Variants in KCNMA1 observed in about 807,000 individuals in gnomAD.
The protein encoded by KCNMA1 is Calcium-activated potassium channel subunit alpha-1.
A neutral mutation model predicts 140.0 loss-of-function variants in KCNMA1; 29 were observed. The observed-to-expected ratio is 0.21, with a 90% CI of 0.15 to 0.28. The LOEUF (loss-of-function observed/expected upper bound fraction) is 0.28, where lower values mean the gene tolerates loss of function less well. Ranked by LOEUF, KCNMA1 falls within the 10% of genes least tolerant of loss-of-function variation. KCNMA1 has a pLI of 1.00. For missense variants in KCNMA1, 880 were observed against 1,602.2 expected, an observed-to-expected ratio of 0.55 and a Z score of 7.70; for synonymous variants, 612 against 611.9, an observed-to-expected ratio of 1.00 and a Z score of 0.00.
At chr10:76,996,528 G>T (rs1427812545) in intron 19 of KCNMA1, among the ~76,000 whole-genome samples, 5 of 152,170 alleles carry the variant, frequency 3.3e-5, no homozygotes. Context: ...AGACGCATGG[G>T]CCAGGGTAAC....
chr10:76,926,279 T>C (rs1263424304), intron 23 of KCNMA1, among the ~76,000 whole-genome samples: 2 of 152,198 alleles, frequency 1.3e-5, no homozygotes, highest in Non-Finnish European at 2.9e-5. Context: ...CTGAATGAGT[T>C]TGGGTCCTGC....
Position 77,192,657 on chromosome 10 carries a change from T to C in KCNMA1, c.603-7741A>G, listed in dbSNP as rs941665910. Among the ~76,000 whole-genome samples, 39 of 152,230 alleles carry C rather than the reference T, an allele frequency of 2.6e-4. 1 individual carries two copies. The highest frequency in any genetic ancestry group is 6.5e-5 in the Admixed American group (1 of 15,280). On this transcript the variant is annotated intron_variant, in intron 3 of 27. Transcript: ENST00000286628. ...CAGATGACTCAGCACTCAAAAGTGA[T>C]AGTAATTTCCAAAACTAAGGTAATA...
At chr10:77,523,899 A>G (rs2054540749) in intron 1 of KCNMA1, among the ~76,000 whole-genome samples, 1 of 152,212 alleles carries the variant, frequency 6.6e-6, no homozygotes, top group Admixed American at 6.5e-5. Context: ...TAGGGTGACT[A>G]TAGTCAATAA....
chr10:77,465,717 G>A (rs1474625106), intron 1 of KCNMA1, among the ~76,000 whole-genome samples: 3 of 152,156 alleles, frequency 2.0e-5, no homozygotes, highest in Admixed American at 6.5e-5. Context: ...ACTGGTCGAG[G>A]GGTAGCCTCT....
Position 76,886,726 on chromosome 10 carries a change from C to T in KCNMA1, c.*540G>A. ...TCGTGAAAGCTTTTCAAATGCTTCG[C>T]AATACTTCGGCCCAGAGACTGGAAA... On this transcript the variant is annotated 3_prime_UTR_variant, in exon 28 of 28. Transcript: ENST00000286628. 1.0e-6 allele frequency: 1 copy of T among 1,004,670 alleles called. No homozygotes were observed. Among genetic ancestry groups the T allele is most frequent in the South Asian group, 4.2e-5 (1 of 23,814 alleles). 62.2% of individuals were successfully genotyped at this position (1,004,670 alleles called of 1,614,324 possible).
intron 23 of KCNMA1, among the ~76,000 whole-genome samples, chr10:76,928,481 CT>C (rs1404375810): frequency 1.3e-5 from 2 of 152,074 alleles, no homozygotes; most frequent in Admixed American, 1.3e-4. Context: ...GTATCTTATT[CT>C]TTAAATGGAA....
At chr10:77,424,000 G>A (rs1488513141) in intron 1 of KCNMA1, among the ~76,000 whole-genome samples, 1 of 152,206 alleles carries the variant, frequency 6.6e-6, no homozygotes, top group Admixed American at 6.5e-5. Context: ...TGTCTGCAGA[G>A]GTGAGAATTC....
At position 77,122,024 on chromosome 10, in the gene KCNMA1, G is replaced by A. The variant is rs142718607; in HGVS notation, c.809-976C>T. ...CACCGCCACGTGCCAAAGGCAGTGC[G>A]AAGCCCTCCAGTGCACTGAGTTGAC... On this transcript the variant is annotated intron_variant, in intron 5 of 27. Transcript: ENST00000286628. Among the ~76,000 whole-genome samples the A allele has an allele frequency of 6.6e-3, 1,004 of 152,310 alleles. 5 individuals carry two copies. Among genetic ancestry groups the A allele is most frequent in the African/African-American group, 0.023 (948 of 41,572 alleles).
Position 77,121,017 on chromosome 10 carries a change from T to C in KCNMA1, c.840A>G (p.Ile280Met). The change falls in exon 6 of 28, where the codon ATA (isoleucine) becomes ATG (methionine). Residue 280 changes from isoleucine to methionine, a missense_variant. Transcript: ENST00000286628. ...GAAACTGCAAAATTTCTGAAAACTG[T>C]ATCAGTCTCAGAGCTCTTAAAAATC... is the stretch of plus-strand genomic sequence containing the variant. ...GLRFLRALRL[I>M]QFSEILQFLN... 6.2e-7 allele frequency: 1 copy of C among 1,602,882 alleles called. No homozygotes were observed. Among genetic ancestry groups the C allele is most frequent in the Non-Finnish European group, 8.5e-7 (1 of 1,171,152 alleles).
intron 9 of KCNMA1, among the ~76,000 whole-genome samples, chr10:77,102,293 A>G (rs141694236): frequency 9.8e-5 from 15 of 152,354 alleles, no homozygotes; most frequent in Middle Eastern, 3.4e-3. Context: ...ATCAGTCTAG[A>G]ACCCTGGTGG....
intron 1 of KCNMA1, among the ~76,000 whole-genome samples, chr10:77,496,638 C>T (rs551872714): frequency 2.7e-5 from 4 of 148,602 alleles, no homozygotes; most frequent in South Asian, 2.2e-4. Context: ...ACAGGTTGAG[C>T]GCCCTGTCAG....
intron 16 of KCNMA1, among the ~76,000 whole-genome samples, chr10:77,023,507 C>G (rs2093089641): frequency 6.6e-6 from 1 of 152,126 alleles, no homozygotes; most frequent in Non-Finnish European, 1.5e-5. Context: ...ACTTCATTAA[C>G]TAAAGCAAGC....
chr10:77,341,345 C>T (rs923903768), intron 2 of KCNMA1, among the ~76,000 whole-genome samples: 14 of 152,238 alleles, frequency 9.2e-5, no homozygotes, highest in African/African-American at 2.9e-4. Flanking sequence ...TTGTCTGTCT[C>T]ATTTCCCAAT....
chr10:77,388,306 C>T (rs1306879973), intron 2 of KCNMA1, among the ~76,000 whole-genome samples: 1 of 152,328 alleles, frequency 6.6e-6, no homozygotes, highest in Admixed American at 6.5e-5. Flanking sequence ...CTTTACTTTA[C>T]GTTCCCCCAT....
At chr10:77,232,550 T>C (rs908442266) in intron 3 of KCNMA1, among the ~76,000 whole-genome samples, 1 of 152,238 alleles carries the variant, frequency 6.6e-6, no homozygotes, top group Admixed American at 6.5e-5. Context: ...TGACTATTTG[T>C]ATATCTTCTT....
At chr10:77,501,398 A>G (rs2043830036) in intron 1 of KCNMA1, among the ~76,000 whole-genome samples, 1 of 152,134 alleles carries the variant, frequency 6.6e-6, no homozygotes, top group African/African-American at 2.4e-5. Context: ...TCTGCACCCA[A>G]TCCTCTGTGC....
chr10:77,239,166 C>T (rs574215351), intron 3 of KCNMA1, among the ~76,000 whole-genome samples: 1 of 152,318 alleles, frequency 6.6e-6, no homozygotes, highest in African/African-American at 2.4e-5. Flanking sequence ...ATTATTTCTA[C>T]TCATGCTATT....
At chr10:77,494,681 G>A (rs1001787133) in intron 1 of KCNMA1, among the ~76,000 whole-genome samples, 1 of 152,184 alleles carries the variant, frequency 6.6e-6, no homozygotes, top group Non-Finnish European at 1.5e-5. Flanking sequence ...ATGGGATCCG[G>A]GAAGCTTGGT....
intron 3 of KCNMA1, among the ~76,000 whole-genome samples, chr10:77,232,886 A>ATTT (rs33988327): frequency 6.0e-5 from 8 of 132,736 alleles, no homozygotes; most frequent in East Asian, 2.2e-4. Context: ...TCCCAGCACC[A>ATTT]TTTTTTTTTT....
Sources: gnomAD v4.1 joint callset for allele counts (sites outside exome capture counted in the v4.1 genomes callset) on GRCh38, gnomAD v4.1.1 for gene constraint, MANE v1.5 for transcripts, NCBI Gene and HGNC (gene_info 2026-07-23, HGNC 2026-07-21) for gene names.